Variants in AFAP1 observed in about 807,000 individuals in gnomAD.
The protein encoded by AFAP1 is actin filament associated protein 1, also known as actin filament-associated protein 1.
A neutral mutation model predicts 93.9 loss-of-function variants in AFAP1; 75 were observed. The observed-to-expected ratio is 0.80, with a 90% CI of 0.66 to 0.97. The LOEUF is 0.97. Among genes scored for constraint, AFAP1 ranks in the 50% least tolerant of loss-of-function variants. The pLI, the probability that AFAP1 is intolerant of heterozygous loss-of-function variation, is 0.00. For synonymous variants in AFAP1, 517 were observed against 430.7 expected, an observed-to-expected ratio of 1.20 and a Z score of -2.48; for missense variants, 1,201 against 1,050.8, an observed-to-expected ratio of 1.14 and a Z score of -1.98.
At chr4:7,906,934 G>A (rs1044973411) in intron 1 of AFAP1, among the ~76,000 whole-genome samples, 1 of 151,640 alleles carries the variant, frequency 6.6e-6, no homozygotes, top group African/African-American at 2.4e-5. Flanking sequence ...CTCGGGAGGC[G>A]GAGGTTGCAG....
At chr4:7,936,886 T>A (rs559129870) in intron 1 of AFAP1, among the ~76,000 whole-genome samples, 5 of 152,268 alleles carry the variant, frequency 3.3e-5, no homozygotes, top group Admixed American at 1.3e-4. Context: ...TGGCCACAAG[T>A]GGTAATTTTA....
At chr4:7,914,798 C>T (rs1387940680) in intron 1 of AFAP1, among the ~76,000 whole-genome samples, 1 of 152,156 alleles carries the variant, frequency 6.6e-6, no homozygotes, top group Non-Finnish European at 1.5e-5. Context: ...GGCTGGAGTA[C>T]AGTGGCGCGA....
At chr4:7,800,719 G>A in intron 9 of AFAP1, 66 bp from the exon 10 acceptor site, 1 of 1,533,662 alleles carries the variant, frequency 6.5e-7, no homozygotes, top group South Asian at 1.1e-5. Context: ...AGACGTCTAG[G>A]GTCACACTGA....
At chr4:7,784,318 C>G (rs1225477677) in intron 12 of AFAP1, among the ~76,000 whole-genome samples, 1 of 152,132 alleles carries the variant, frequency 6.6e-6, no homozygotes, top group South Asian at 2.1e-4. Flanking sequence ...GCCACCCTGT[C>G]CTAACATGGG....
At chr4:7,862,577 G>T (rs1715858404) in intron 3 of AFAP1, among the ~76,000 whole-genome samples, 1 of 152,078 alleles carries the variant, frequency 6.6e-6, no homozygotes, top group African/African-American at 2.4e-5. Flanking sequence ...ACTAAAAATG[G>T]TTAAAATGGT....
At chr4:7,777,687 G>A (rs1038918461) in intron 14 of AFAP1, 5 of 152,174 alleles carry the variant, frequency 3.3e-5, no homozygotes, top group South Asian at 2.1e-4. Flanking sequence ...CCCAAGTGGC[G>A]ATGGCATGTA....
chr4:7,834,469 C>A (rs184261369), intron 6 of AFAP1, among the ~76,000 whole-genome samples: 1 of 152,214 alleles, frequency 6.6e-6, no homozygotes, highest in Admixed American at 6.5e-5. Flanking sequence ...AGAACTTACT[C>A]ATGTCACCAA....
intron 1 of AFAP1, among the ~76,000 whole-genome samples, chr4:7,878,378 C>T (rs2149193277): frequency 6.6e-6 from 1 of 152,338 alleles, no homozygotes; most frequent in South Asian, 2.1e-4. Context: ...GATCCAGTTT[C>T]CACTGATGTA....
intron 1 of AFAP1, among the ~76,000 whole-genome samples, chr4:7,898,510 T>C (rs1401596200): frequency 6.6e-6 from 1 of 151,938 alleles, no homozygotes; most frequent in East Asian, 1.9e-4. Flanking sequence ...GAAAAAAAAA[T>C]TATATCCACA....
chr4:7,910,187 C>G lies in AFAP1; in HGVS notation c.-3+29469G>C, dbSNP rs148924937. Reference sequence around the variant, plus strand: ...CATCTGCCACACTCCTAGCACACCCCCAAAAGCGCCCAGCTACATTTCACA... The same window carrying G: ...CATCTGCCACACTCCTAGCACACCCGCAAAAGCGCCCAGCTACATTTCACA... On this transcript the variant is annotated intron_variant, in intron 1 of 17. Transcript: ENST00000420658. Among the ~76,000 whole-genome samples, 1,031 of 152,254 alleles carry G rather than the reference C, an allele frequency of 6.8e-3. 15 individuals carry two copies. Among genetic ancestry groups the G allele is most frequent in the African/African-American group, 0.024 (985 of 41,522 alleles).
chr4:7,824,080 G>A (rs747875210), intron 6 of AFAP1, among the ~76,000 whole-genome samples: 5 of 152,172 alleles, frequency 3.3e-5, no homozygotes, highest in Non-Finnish European at 7.3e-5. Context: ...AGCTGCACCT[G>A]CAGAGTTTAG....
chr4:7,848,979 G>A (rs977342138), intron 4 of AFAP1, among the ~76,000 whole-genome samples: 1 of 152,200 alleles, frequency 6.6e-6, no homozygotes, highest in Non-Finnish European at 1.5e-5. Context: ...CAGCAACGGT[G>A]CCCTGAGAAG....
At chr4:7,863,232 A>G (rs1421898744) in intron 3 of AFAP1, among the ~76,000 whole-genome samples, 1 of 152,192 alleles carries the variant, frequency 6.6e-6, no homozygotes, top group Non-Finnish European at 1.5e-5. Context: ...CCTGGGCAAC[A>G]TGGTGAAAAC....
At chr4:7,839,714 T>C (rs1305164273) in intron 5 of AFAP1, among the ~76,000 whole-genome samples, 1 of 152,170 alleles carries the variant, frequency 6.6e-6, no homozygotes. Flanking sequence ...TCTTGCTTAA[T>C]CTTTATCTGT....
chr4:7,785,117 T>G (rs184967681), intron 12 of AFAP1, among the ~76,000 whole-genome samples: 3 of 152,072 alleles, frequency 2.0e-5, no homozygotes, highest in Admixed American at 1.3e-4. Flanking sequence ...CTGCTAACTG[T>G]GAAGGCCTCA....
rs1553852779 is a variant in AFAP1, at chr4:7,893,090, C to CG, written c.-2-21011dup. Among the ~76,000 whole-genome samples, 430 of 152,004 alleles carry CG rather than the reference C, an allele frequency of 2.8e-3. 1 individual carries two copies. Among genetic ancestry groups the CG allele is most frequent in the Non-Finnish European group, 4.3e-3 (291 of 67,952 alleles). On this transcript the variant is annotated intron_variant, in intron 1 of 17. Transcript: ENST00000420658. Reference sequence around the variant, plus strand: ...AAGGGATTTTTACCAGCCCCGGTGCCGGGGGGGCAGAAACCACCCCGTTTC... The same window carrying CG: ...AAGGGATTTTTACCAGCCCCGGTGCCGGGGGGGGCAGAAACCACCCCGTTTC...
chr4:7,893,382 C>A (rs1023196881), intron 1 of AFAP1, among the ~76,000 whole-genome samples: 2 of 152,106 alleles, frequency 1.3e-5, no homozygotes, highest in Admixed American at 1.3e-4. Flanking sequence ...AGATCCAGAC[C>A]ATCCTGGCTA....
rs1408365677 is a variant in AFAP1 at position 7,939,686 on chromosome 4, T to A, written c.-33A>T. The A allele has an allele frequency of 2.4e-6, 1 of 416,550 alleles. No homozygotes were observed. The highest frequency in any genetic ancestry group is 1.1e-4 in the East Asian group (1 of 8,902). 25.8% of individuals were successfully genotyped at this position (416,550 alleles called of 1,614,324 possible). A position where few individuals can be genotyped will look rare whatever the true frequency, so the allele number is the denominator to read the frequency against. On this transcript the variant is annotated 5_prime_UTR_variant, in exon 1 of 18. Transcript: ENST00000420658. The surrounding 1 kb of genome is among the most constrained non-coding windows in gnomAD (Gnocchi z 5.6). ...GCCGCCACCTCGCAGCGCTCGCTCCTCGCCGCGGCGCCTGGGCCGACTGGA... is the reference window on the plus strand; with the variant it reads ...GCCGCCACCTCGCAGCGCTCGCTCCACGCCGCGGCGCCTGGGCCGACTGGA...
Position 7,763,789 on chromosome 4 carries a change from T to C in AFAP1, c.2421A>G (p.Glu807=). ...CCTAGGTCCCGTTCTTCAATTCCCATTCCTAGAGGAAAGGAGAGTCTTGTA... is the reference window on the plus strand; with the variant it reads ...CCTAGGTCCCGTTCTTCAATTCCCACTCCTAGAGGAAAGGAGAGTCTTGTA... ...CRGHVLRKAK[E]WELKNGT Residue 807 remains glutamate (E), a splice_region_variant and synonymous_variant, in exon 18 of 18, where the codon GAA becomes GAG. Coordinates refer to ENST00000420658, the MANE Select transcript of AFAP1 (RefSeq NM_001134647.2). The C allele has an allele frequency of 6.4e-7, 1 of 1,551,622 alleles. No individual in the cohort carries two copies.
Sources: gnomAD v4.1 joint callset for allele counts (sites outside exome capture counted in the v4.1 genomes callset) on GRCh38, gnomAD v4.1.1 for gene constraint, Gnocchi (gnomAD v3.1) non-coding constraint, MANE v1.5 for transcripts, NCBI Gene and HGNC (gene_info 2026-07-23, HGNC 2026-07-21) for gene names.